The following STIL variants were observed in gnomAD, a reference collection of about 807,000 sequenced individuals.
STIL encodes the protein SCL-interrupting locus protein.
A neutral mutation model predicts 110.1 loss-of-function variants in STIL; 55 were observed. The ratio of observed to expected loss-of-function variants is 0.50; its 90% CI spans 0.40 to 0.63. The LOEUF is 0.63. STIL is among the 20% of genes least tolerant of loss of function. The pLI, the probability that STIL is intolerant of heterozygous loss-of-function variation, is 0.00. For missense variants in STIL, 1,358 were observed against 1,530.0 expected, an observed-to-expected ratio of 0.89 and a Z score of 1.87; for synonymous variants, 481 against 530.0, an observed-to-expected ratio of 0.91 and a Z score of 1.27.
chr1:47,250,445 A>C lies in STIL; in HGVS notation c.*691T>G, dbSNP rs1644155347. The C allele has an allele frequency of 5.9e-6, 1 of 169,016 alleles. No homozygotes were observed. The allele number at this position is 169,016 out of a possible 1,614,324, so 10.5% of individuals were successfully genotyped here. On this transcript the variant is annotated 3_prime_UTR_variant, in exon 17 of 17. Transcript: ENST00000371877. ...AACTTAGGAAGGGTTGATTTCGCTA[A>C]TTTACCCAACACCATGATAACTTAT...
Position 47,293,465 on chromosome 1 carries a change from G to C in STIL, c.865C>G (p.Gln289Glu). ...GAATAAAATATCACTTGCCTTTCTT[G>C]AACAGAAGAATTGAATATGTATCGC... ...CLRYIFNSSVQERVFSESGNF... is the reference protein window; with the variant it reads ...CLRYIFNSSVEERVFSESGNF... Residue 289 changes from glutamine (Q) to glutamate (E), a missense_variant, in exon 8 of 17, where the codon CAA becomes GAA. Physicochemically the swap from Gln to Glu is conservative, Grantham distance 29 (BLOSUM62 2). Transcript: ENST00000371877. The C allele has an allele frequency of 1.2e-6, 2 of 1,612,336 alleles. No individual in the cohort carries two copies. The highest frequency in any genetic ancestry group is 1.7e-6 in the Non-Finnish European group (2 of 1,178,752).
At chr1:47,306,946 G>T (rs1233912613) in intron 2 of STIL, among the ~76,000 whole-genome samples, 1 of 152,196 alleles carries the variant, frequency 6.6e-6, no homozygotes, top group African/African-American at 2.4e-5. Flanking sequence ...GAGGCCTGCA[G>T]TTCGAGACCA....
intron 6 of STIL, among the ~76,000 whole-genome samples, chr1:47,297,683 G>A (rs1237164261): frequency 6.6e-6 from 1 of 151,918 alleles, no homozygotes; most frequent in African/African-American, 2.4e-5. Flanking sequence ...GAAATCCTAA[G>A]CTCAAGCCAC....
At position 47,295,772 on chromosome 1, in the gene STIL, C is replaced by G. The variant is rs1645624962; in HGVS notation, c.778G>C (p.Val260Leu). ...SDPKVYSLPLVGIWLSGITHI... is the reference protein window; with the variant it reads ...SDPKVYSLPLLGIWLSGITHI... ...AAATAATGTAATACTTACATTCCCACCAATGGTAGAGAATAAACCTTGGGA... is the reference window on the plus strand; with the variant it reads ...AAATAATGTAATACTTACATTCCCAGCAATGGTAGAGAATAAACCTTGGGA... Residue 260 changes from valine to leucine, a missense_variant, in exon 7 of 17, where the codon GTG becomes CTG. Val to Leu is a conservative substitution (Grantham distance 32). Transcript: ENST00000371877. The G allele has an allele frequency of 6.2e-7, 1 of 1,608,372 alleles. No individual in the cohort carries two copies. Among genetic ancestry groups the G allele is most frequent in the South Asian group, 1.1e-5 (1 of 90,946 alleles).
chr1:47,259,895 CTG>C (rs1166628863), intron 16 of STIL, among the ~76,000 whole-genome samples: 1 of 152,180 alleles, frequency 6.6e-6, no homozygotes, highest in Non-Finnish European at 1.5e-5. Context: ...GATGGCACGA[CTG>C]TGTAACTGTA....
intron 11 of STIL, 34 bp downstream of exon 11, chr1:47,282,311 C>T (rs1193357378): frequency 1.3e-5 from 18 of 1,428,646 alleles, no homozygotes; most frequent in Non-Finnish European, 1.8e-5. Flanking sequence ...GGTCTCTAAC[C>T]ACAAAAGTGA....
At chr1:47,293,379 A>T in intron 8 of STIL, 79 bp downstream of exon 8, 2 of 1,192,876 alleles carry the variant, frequency 1.7e-6, no homozygotes, top group Non-Finnish European at 2.5e-6. Context: ...ACGGCATTAC[A>T]TGAATTTTAA....
chr1:47,258,467 A>G (rs938091659), intron 16 of STIL, among the ~76,000 whole-genome samples: 2 of 152,222 alleles, frequency 1.3e-5, no homozygotes, highest in Non-Finnish European at 2.9e-5. Flanking sequence ...ATATTCTAGT[A>G]CAAGGGTACA....
chr1:47,310,267 C>A lies in STIL; in HGVS notation c.44+9G>T, dbSNP rs779322174. 4 of 1,611,324 alleles carry A rather than the reference C, an allele frequency of 2.5e-6. No homozygotes were observed. Among genetic ancestry groups the A allele is most frequent in the Admixed American group, 1.7e-5 (1 of 59,980 alleles). ...TGTAAGACAAATATTTGTAAATATA[C>A]TTCTATACCTGGTATTCATCTGGGG... On this transcript the variant is annotated intron_variant, in intron 2 of 16. Coordinates refer to ENST00000371877, the MANE Select transcript of STIL (RefSeq NM_001048166.1).
At chr1:47,270,257 C>CAT (rs2148854766) in intron 13 of STIL, among the ~76,000 whole-genome samples, 1 of 116,180 alleles carries the variant, frequency 8.6e-6, no homozygotes, top group South Asian at 2.6e-4. Flanking sequence ...TATATATATA[C>CAT]ACACACACAC....
Position 47,251,532 on chromosome 1 carries a change from G to C in STIL, c.3471C>G (p.Asn1157Lys). 1.2e-6 allele frequency: 2 copies of C among 1,614,168 alleles called. No individual in the cohort carries two copies. Among genetic ancestry groups the C allele is most frequent in the Middle Eastern group, 3.3e-4 (2 of 6,062 alleles). ...CAAGCTGTTCAGGTATGGACCTAAG[G>C]TTCTGATTCAATAAATATTCACTCT... ...DSKSEYLLNQ[N>K]LRSIPEQLGG... Residue 1157 changes from asparagine to lysine, a missense_variant, in exon 17 of 17, where the codon AAC becomes AAG. Asn to Lys is a moderately conservative substitution (Grantham distance 94, BLOSUM62 0). Transcript: ENST00000371877.
chr1:47,295,910 A>C (rs1645629439), intron 6 of STIL, 62 bp from the exon 7 acceptor site: 1 of 1,208,626 alleles, frequency 8.3e-7, no homozygotes, highest in South Asian at 1.2e-5. Flanking sequence ...TAAAAGACAT[A>C]ATCTAAATGC....
chr1:47,265,260 A>AAAAAAAAAAAAAAAAAAAAAAAAAAC lies in STIL; in HGVS notation c.2616-2145_2616-2144insGTTTTTTTTTTTTTTTTTTTTTTTTT, dbSNP rs1553170532. 2.7e-5 allele frequency among the ~76,000 whole-genome samples: 4 copies of AAAAAAAAAAAAAAAAAAAAAAAAAAC among 148,422 alleles called. No individual in the cohort carries two copies. The East Asian group carries it at 6.1e-4, about 23-fold the overall frequency. ...CCCAAAAAAAAAAAAAAAAAAAAAAACACAAGATTGGATATTTTTTAAAAT... is the reference window on the plus strand; with the variant it reads ...CCCAAAAAAAAAAAAAAAAAAAAAAAAAAAAAAAAAAAAAAAAAAAAAAAACCACAAGATTGGATATTTTTTAAAAT... On this transcript the variant is annotated intron_variant, in intron 14 of 16. Coordinates refer to ENST00000371877, the MANE Select transcript of STIL (RefSeq NM_001048166.1).
At chr1:47,314,502 A>G (rs1034139261), upstream of STIL, among the ~76,000 whole-genome samples, 3 of 152,240 alleles carry the variant, frequency 2.0e-5, no homozygotes, top group Non-Finnish European at 4.4e-5. Context: ...AGTGCTCTAT[A>G]AGATGATCAT....
chr1:47,251,251 G>T lies in STIL; in HGVS notation c.3752C>A (p.Thr1251Lys). The change falls in exon 17 of 17, where the codon ACA becomes AAA. Residue 1251 changes from threonine to lysine, a missense_variant. Coordinates refer to ENST00000371877, the MANE Select transcript of STIL (RefSeq NM_001048166.1). The stretch of plus-strand genomic sequence containing the variant: ...AGGTTGCAAACTTTCAGGAAAAATT[G>T]TAATGTCCCCTTCATTTTCTTTCTC... Reference protein sequence around the residue: ...HPEKENEGDITIFPESLQPSE... With the variant: ...HPEKENEGDIKIFPESLQPSE... 1 of 1,612,142 alleles carries T rather than the reference G, an allele frequency of 6.2e-7. No homozygotes were observed. Among genetic ancestry groups the T allele is most frequent in the Non-Finnish European group, 8.5e-7 (1 of 1,178,696 alleles).
At position 47,262,966 on chromosome 1, in the gene STIL, C is replaced by T. The variant is rs576766019; in HGVS notation, c.2766G>A (p.Glu922=). Residue 922 remains glutamate, a synonymous_variant, in exon 15 of 17, where the codon GAG becomes GAA. Transcript: ENST00000371877. ...GATGAAGCAAGGGTTGCATTACATGCTCAATTTTTGGTTCCTCTGATGTTT... is the reference window on the plus strand; with the variant it reads ...GATGAAGCAAGGGTTGCATTACATGTTCAATTTTTGGTTCCTCTGATGTTT... ...NSETSEEPKI[E]HVMQPLLHQP... is the part of the protein sequence containing the mutation. 7.4e-6 allele frequency: 12 copies of T among 1,614,140 alleles called. No homozygotes were observed. The Admixed American group carries it at 2.0e-4, about 27-fold the overall frequency.
chr1:47,310,469 G>A (rs1646091045), intron 1 of STIL, 107 bp from the exon 2 acceptor site: 1 of 657,642 alleles, frequency 1.5e-6, no homozygotes, highest in South Asian at 1.8e-5. Context: ...CTTATATGAA[G>A]TGTGACTATA....
intron 2 of STIL, among the ~76,000 whole-genome samples, chr1:47,305,473 G>A (rs921268065): frequency 2.6e-5 from 4 of 152,094 alleles, no homozygotes; most frequent in African/African-American, 9.7e-5. Context: ...CTGTCGCCCA[G>A]GCTGGAGTAC....
intron 14 of STIL, among the ~76,000 whole-genome samples, chr1:47,268,485 T>A (rs1644719183): frequency 1.3e-5 from 2 of 152,070 alleles, no homozygotes. Flanking sequence ...CTGGGCACAG[T>A]GGCTCATGCC....
Sources: gnomAD v4.1 joint callset for allele counts (sites outside exome capture counted in the v4.1 genomes callset) on GRCh38, gnomAD v4.1.1 for gene constraint, MANE v1.5 for transcripts, NCBI Gene and HGNC (gene_info 2026-07-23, HGNC 2026-07-21) for gene names.